Variants in AIG1 observed in about 807,000 individuals in gnomAD.
AIG1 encodes the protein androgen induced 1.
Under a neutral mutation model 31.4 loss-of-function variants are expected in AIG1, and 23 were observed. The ratio of observed to expected loss-of-function variants is 0.73; its 90% CI spans 0.53 to 1.04. The LOEUF (loss-of-function observed/expected upper bound fraction) is 1.04, where lower values mean the gene tolerates loss of function less well. Among genes scored for constraint, AIG1 ranks in the 50% least tolerant of loss-of-function variants. AIG1 has a pLI of 0.00. For synonymous variants in AIG1, 100 were observed against 110.5 expected, an observed-to-expected ratio of 0.90 and a Z score of 0.60; for missense variants, 274 against 295.0, an observed-to-expected ratio of 0.93 and a Z score of 0.52.
chr6:143,189,599 A>G, intron 3 of AIG1: 1 of 985,410 alleles, frequency 1.0e-6, no homozygotes, highest in Non-Finnish European at 1.2e-6. Context: ...AAACTCAGAA[A>G]TATTTCATTG....
intron 1 of AIG1, among the ~76,000 whole-genome samples, chr6:143,128,080 G>A (rs1418783207): frequency 6.6e-6 from 1 of 152,182 alleles, no homozygotes; most frequent in Non-Finnish European, 1.5e-5. Context: ...GGAATAAATG[G>A]TAGAAGTCTA....
chr6:143,116,334 G>A (rs186793532), intron 1 of AIG1, among the ~76,000 whole-genome samples: 18 of 152,252 alleles, frequency 1.2e-4, no homozygotes, highest in African/African-American at 4.3e-4. Context: ...GTGGAATGAT[G>A]GGTTGGGCAG....
chr6:143,282,055 T>G (rs1797373031), intron 3 of AIG1, among the ~76,000 whole-genome samples: 1 of 152,244 alleles, frequency 6.6e-6, no homozygotes, highest in Non-Finnish European at 1.5e-5. Context: ...ATGTCCTATC[T>G]GGAAGATATG....
chr6:143,141,093 A>G (rs1784207873), intron 2 of AIG1, among the ~76,000 whole-genome samples: 1 of 152,226 alleles, frequency 6.6e-6, no homozygotes. Flanking sequence ...GGTGCAGGCA[A>G]ATGGCATCGG....
At chr6:143,115,553 T>C (rs929036684) in intron 1 of AIG1, among the ~76,000 whole-genome samples, 1 of 152,234 alleles carries the variant, frequency 6.6e-6, no homozygotes, top group Non-Finnish European at 1.5e-5. Context: ...CTGTTTCTTA[T>C]ATTGACTGAT....
rs1044474174 is a variant in AIG1 at position 143,279,517 on chromosome 6, A to G, written c.400-4593A>G. 2.0e-5 allele frequency among the ~76,000 whole-genome samples: 3 copies of G among 152,160 alleles called. No homozygotes were observed. The highest frequency in any genetic ancestry group is 4.4e-5 in the Non-Finnish European group (3 of 68,038). On this transcript the variant is annotated intron_variant, in intron 3 of 5. Coordinates refer to ENST00000357847, the MANE Select transcript of AIG1 (RefSeq NM_016108.4). The surrounding 1 kb of genome is among the most constrained non-coding windows in gnomAD (Gnocchi z 5.4). ...GTCCCATCTGCTTCCGAGTCTTCAC[A>G]TCAGAATTAATCATGGGTCCTTCCG...
intron 1 of AIG1, among the ~76,000 whole-genome samples, chr6:143,125,183 G>C (rs1253369253): frequency 6.6e-6 from 1 of 152,286 alleles, no homozygotes; most frequent in East Asian, 1.9e-4. Flanking sequence ...TACAAAGTTA[G>C]AAAATTTACT....
chr6:143,321,604 A>G (rs577402097), intron 4 of AIG1, among the ~76,000 whole-genome samples: 2 of 152,232 alleles, frequency 1.3e-5, no homozygotes, highest in Non-Finnish European at 2.9e-5. Flanking sequence ...AAAAATTAAA[A>G]TGAAATGAAA....
chr6:143,151,276 C>T (rs1279060777), intron 2 of AIG1, among the ~76,000 whole-genome samples: 1 of 152,118 alleles, frequency 6.6e-6, no homozygotes, highest in Non-Finnish European at 1.5e-5. Context: ...AAATAAATCA[C>T]AATTGTGTTT....
chr6:143,158,121 G>T (rs940519837), intron 2 of AIG1, among the ~76,000 whole-genome samples: 1 of 152,040 alleles, frequency 6.6e-6, no homozygotes, highest in Non-Finnish European at 1.5e-5. Flanking sequence ...AGCTCTTTTG[G>T]ATGGTGACAT....
chr6:143,171,922 G>A (rs879789754), intron 3 of AIG1, among the ~76,000 whole-genome samples: 12 of 151,896 alleles, frequency 7.9e-5, no homozygotes, highest in Admixed American at 4.6e-4. Flanking sequence ...TGCATTTCCC[G>A]GATTATTAGT....
chr6:143,061,797 T>C (rs1776284764), intron 1 of AIG1, among the ~76,000 whole-genome samples: 1 of 152,228 alleles, frequency 6.6e-6, no homozygotes, highest in African/African-American at 2.4e-5. Flanking sequence ...TTATTATTAG[T>C]ATATCATTTT....
At chr6:143,081,149 C>G (rs992339963) in intron 1 of AIG1, among the ~76,000 whole-genome samples, 1 of 152,152 alleles carries the variant, frequency 6.6e-6, no homozygotes, top group Non-Finnish European at 1.5e-5. Context: ...AGGCTATAGG[C>G]AACAGAGCAG....
At chr6:143,274,384 T>C (rs1026571174) in intron 3 of AIG1, among the ~76,000 whole-genome samples, 38 of 152,240 alleles carry the variant, frequency 2.5e-4, no homozygotes, top group African/African-American at 8.2e-4. Context: ...TAATAACATA[T>C]ACCTTGAGGC....
In AIG1 at chr6:143,341,016, T is replaced by G. The variant is rs1289943409; in HGVS notation, c.*1340T>G. Among the ~76,000 whole-genome samples, 1 of 152,206 alleles carries G rather than the reference T, an allele frequency of 6.6e-6. No homozygotes were observed. The highest frequency in any genetic ancestry group is 1.5e-5 in the Non-Finnish European group (1 of 68,024). The stretch of plus-strand genomic sequence containing the variant: ...TTAAACTCAAAAAGTTAATTTAAAA[T>G]TAGTTACATTTAAATGTAATTAAAT... On this transcript the variant is annotated 3_prime_UTR_variant, in exon 6 of 6. Transcript: ENST00000357847.
chr6:143,074,842 T>C (rs1385488917), intron 1 of AIG1, among the ~76,000 whole-genome samples: 1 of 152,216 alleles, frequency 6.6e-6, no homozygotes, highest in Non-Finnish European at 1.5e-5. Flanking sequence ...TTTTATTGTT[T>C]TTGGCTTTGA....
intron 3 of AIG1, among the ~76,000 whole-genome samples, chr6:143,195,842 G>T (rs144847945): frequency 6.6e-5 from 10 of 152,296 alleles, no homozygotes; most frequent in South Asian, 4.1e-4. Context: ...AAGAAAAGCC[G>T]CCAGAAGAAA....
chr6:143,185,969 C>G (rs1039955965), intron 3 of AIG1, among the ~76,000 whole-genome samples: 13 of 152,110 alleles, frequency 8.5e-5, no homozygotes, highest in African/African-American at 3.1e-4. Context: ...CTTATAGAAC[C>G]CTTGTCAAGC....
At chr6:143,336,202 G>T (rs1777478640) in intron 5 of AIG1, among the ~76,000 whole-genome samples, 1 of 152,180 alleles carries the variant, frequency 6.6e-6, no homozygotes, top group African/African-American at 2.4e-5. Flanking sequence ...AAGGAAGATT[G>T]CATTGGAGCC....
Sources: allele counts gnomAD v4.1 joint callset (sites outside exome capture counted in the v4.1 genomes callset), GRCh38; gene constraint gnomAD v4.1.1; non-coding constraint Gnocchi (gnomAD v3.1); transcripts MANE v1.5; gene names NCBI Gene and HGNC (gene_info 2026-07-23, HGNC 2026-07-21).